CACNA1A: variants seen among roughly 807,000 people sequenced by gnomAD.
CACNA1A encodes the protein calcium voltage-gated channel subunit alpha1 A.
A neutral mutation model predicts 262.4 loss-of-function variants in CACNA1A; 57 were observed. The ratio of observed to expected loss-of-function variants is 0.22; its 90% CI spans 0.18 to 0.27. The LOEUF (loss-of-function observed/expected upper bound fraction) is 0.27. Among genes scored for constraint, CACNA1A ranks in the 10% least tolerant of loss-of-function variants. The pLI, the probability that CACNA1A is intolerant of heterozygous loss-of-function variation, is 1.00. For missense variants in CACNA1A, 2,526 were observed against 3,562.8 expected, an observed-to-expected ratio of 0.71 and a Z score of 7.41; for synonymous variants, 1,431 against 1,419.3, an observed-to-expected ratio of 1.01 and a Z score of -0.18.
intron 17 of CACNA1A, among the ~76,000 whole-genome samples, chr19:13,303,157 G>C (rs1422407316): frequency 2.0e-5 from 3 of 152,150 alleles, no homozygotes; most frequent in African/African-American, 7.2e-5. Flanking sequence ...GCTGGTGGCA[G>C]CCCTTTTTCC....
chr19:13,458,064 A>T lies in CACNA1A; in HGVS notation c.294-2852T>A, dbSNP rs568963307. On this transcript the variant is annotated intron_variant, in intron 1 of 46. Transcript: ENST00000360228. ...GCAAGGGAAATGGGAGTGGCTGCTTAATGTTTTAGAACTAGATGAAGGTGA... is the reference window on the plus strand; with the variant it reads ...GCAAGGGAAATGGGAGTGGCTGCTTTATGTTTTAGAACTAGATGAAGGTGA... 1.2e-3 allele frequency among the ~76,000 whole-genome samples: 182 copies of T among 152,280 alleles called. 2 individuals are homozygous for T. The highest frequency in any genetic ancestry group is 4.1e-3 in the African/African-American group (170 of 41,556).
chr19:13,388,513 C>T (rs915063434), intron 3 of CACNA1A, among the ~76,000 whole-genome samples: 3 of 152,204 alleles, frequency 2.0e-5, no homozygotes, highest in East Asian at 1.9e-4. Flanking sequence ...GCCTCGCCCT[C>T]GCAAAGTGGT....
rs145067395 is a variant in CACNA1A at position 13,440,281 on chromosome 19, A to G, written c.539+12595T>C. Among the ~76,000 whole-genome samples, 601 of 152,272 alleles carry G rather than the reference A, an allele frequency of 3.9e-3. 3 individuals are homozygous for G. The highest frequency in any genetic ancestry group is 0.014 in the African/African-American group (583 of 41,554). On this transcript the variant is annotated intron_variant, in intron 3 of 46. Transcript: ENST00000360228. Reference sequence around the variant, plus strand: ...GCCTGGCCCTGGTTGTTTAAATCACATGCCCTGACTACCAGGTGATGGGGT... The same window carrying G: ...GCCTGGCCCTGGTTGTTTAAATCACGTGCCCTGACTACCAGGTGATGGGGT...
Position 13,299,020 on chromosome 19 carries a change from G to T in CACNA1A, c.2613C>A (p.Pro871=). The change falls in exon 19 of 47, where the codon CCC becomes CCA. Residue 871 remains proline (P), a synonymous_variant. Coordinates refer to ENST00000360228, the MANE Select transcript of CACNA1A (RefSeq NM_001127222.2). ...QARYHDRARD[P]SGSAGLDARR... ...GTGCGTCCAGGCCCGCCGAGCCGCT[G>T]GGGTCCCGGGCCCGATCGTGGTAGC... The T allele has an allele frequency of 6.3e-7, 1 of 1,589,822 alleles. No individual in the cohort carries two copies.
intron 10 of CACNA1A, among the ~76,000 whole-genome samples, chr19:13,320,559 C>G (rs1275082412): frequency 1.3e-5 from 2 of 150,188 alleles, no homozygotes; most frequent in African/African-American, 4.9e-5. Context: ...AAAGTCCTTC[C>G]TGATCACTCA....
intron 6 of CACNA1A, among the ~76,000 whole-genome samples, chr19:13,343,082 G>T (rs566806666): frequency 2.9e-4 from 44 of 150,366 alleles, no homozygotes; most frequent in African/African-American, 9.8e-4. Flanking sequence ...TATCTCTGTA[G>T]CTTGCTCCTT....
intron 3 of CACNA1A, among the ~76,000 whole-genome samples, chr19:13,390,082 G>A (rs2059686202): frequency 2.6e-5 from 4 of 151,872 alleles, no homozygotes; most frequent in Admixed American, 1.3e-4. Context: ...CAAAGTGCTG[G>A]GATTACAGGC....
At chr19:13,326,177 G>A (rs189302023) in intron 10 of CACNA1A, among the ~76,000 whole-genome samples, 66 of 151,982 alleles carry the variant, frequency 4.3e-4, no homozygotes, top group African/African-American at 1.2e-3. Context: ...TTGGCAGGGC[G>A]TGGTGGTGTG....
intron 3 of CACNA1A, among the ~76,000 whole-genome samples, chr19:13,438,870 T>C (rs906410512): frequency 2.6e-5 from 4 of 152,132 alleles, no homozygotes; most frequent in African/African-American, 4.8e-5. Flanking sequence ...TTTTATTTTA[T>C]TTTGATTATA....
chr19:13,427,291 A>C (rs970677251), intron 3 of CACNA1A, among the ~76,000 whole-genome samples: 14 of 151,838 alleles, frequency 9.2e-5, no homozygotes, highest in Admixed American at 4.6e-4. Context: ...GTCTCTACTA[A>C]AAAAAATTAA....
At chr19:13,307,314 A>C (rs1026045904) in intron 15 of CACNA1A, 1 of 153,518 alleles carries the variant, frequency 6.5e-6, no homozygotes. Flanking sequence ...GGCTCACTGC[A>C]ACCTCTGCCT....
At chr19:13,331,073 AAATGAGTTAGATTACCT>A (rs2058459292) in intron 9 of CACNA1A, among the ~76,000 whole-genome samples, 1 of 152,100 alleles carries the variant, frequency 6.6e-6, no homozygotes, top group Admixed American at 6.6e-5. Context: ...TAGGTACCCT[AAATGAGTTAGATTACCT>A]AACTCATTTA....
intron 3 of CACNA1A, among the ~76,000 whole-genome samples, chr19:13,425,190 G>A (rs559126029): frequency 2.7e-4 from 41 of 152,258 alleles, no homozygotes; most frequent in African/African-American, 9.9e-4. Flanking sequence ...AAAATCTGAA[G>A]TCCATGTTGT....
chr19:13,444,484 G>T (rs780786761), intron 3 of CACNA1A, among the ~76,000 whole-genome samples: 1 of 152,120 alleles, frequency 6.6e-6, no homozygotes, highest in African/African-American at 2.4e-5. Context: ...GGACATGAGA[G>T]GTGTATGGTC....
intron 6 of CACNA1A, among the ~76,000 whole-genome samples, chr19:13,341,996 C>G (rs2058683371): frequency 6.6e-6 from 1 of 152,196 alleles, no homozygotes; most frequent in Non-Finnish European, 1.5e-5. Flanking sequence ...CTGCATAGCT[C>G]AGATCGTCAA....
At chr19:13,208,325 T>C (rs2054655589) in intron 46 of CACNA1A, among the ~76,000 whole-genome samples, 1 of 150,572 alleles carries the variant, frequency 6.6e-6, no homozygotes, top group Non-Finnish European at 1.5e-5. Flanking sequence ...AAAAGAGAAA[T>C]GAGAAATGGA....
At chr19:13,243,493 G>A (rs2056136325) in intron 31 of CACNA1A, among the ~76,000 whole-genome samples, 7 of 152,104 alleles carry the variant, frequency 4.6e-5, no homozygotes, top group Non-Finnish European at 1.5e-5. Flanking sequence ...GAGTCACCCA[G>A]GCCTGGCTTT....
chr19:13,300,730 G>T, intron 17 of CACNA1A, 74 bp from the exon 18 acceptor site: 1 of 1,143,444 alleles, frequency 8.7e-7, no homozygotes, highest in South Asian at 1.2e-5. Context: ...CCCTGTTGCT[G>T]ACCAGGGGCA....
At chr19:13,416,626 C>T (rs562927689) in intron 3 of CACNA1A, among the ~76,000 whole-genome samples, 37 of 152,082 alleles carry the variant, frequency 2.4e-4, no homozygotes, top group Admixed American at 1.1e-3. Context: ...CAAGCCTGGC[C>T]GACATGGTAA....
Sources: gnomAD v4.1 joint callset for allele counts (sites outside exome capture counted in the v4.1 genomes callset) on GRCh38, gnomAD v4.1.1 for gene constraint, MANE v1.5 for transcripts, NCBI Gene and HGNC (gene_info 2026-07-23, HGNC 2026-07-21) for gene names.